Variants in SPRED2 observed in about 807,000 individuals in gnomAD.
SPRED2 encodes the protein sprouty-related, EVH1 domain-containing protein 2.
In SPRED2, 47 loss-of-function variants were observed where a neutral mutation model predicts 43.0. That is an observed-to-expected ratio of 1.09 (90% confidence interval 0.87 to 1.40). SPRED2 has a LOEUF of 1.40. Among genes scored for constraint, SPRED2 ranks in the 40% most tolerant of loss-of-function variants. SPRED2 has a pLI of 0.00. For missense variants in SPRED2, 561 were observed against 586.4 expected (o/e 0.96, Z 0.45); for synonymous variants, 225 against 225.7 (o/e 1.00, Z 0.03).
At chr2:65,309,627 C>A (rs1306424134), downstream of SPRED2, among the ~76,000 whole-genome samples, 5 of 151,938 alleles carry the variant, frequency 3.3e-5, no homozygotes, top group African/African-American at 4.8e-5. Context: ...GTCCTGGAAC[C>A]AATCCCCCAT....
chr2:65,374,824 C>T (rs749907324), intron 1 of SPRED2, among the ~76,000 whole-genome samples: 4 of 152,230 alleles, frequency 2.6e-5, no homozygotes, highest in Non-Finnish European at 4.4e-5. Flanking sequence ...CTGCCCATGG[C>T]TTACCTGCAT....
At chr2:65,356,563 G>A (rs1332407613) in intron 1 of SPRED2, among the ~76,000 whole-genome samples, 2 of 59,166 alleles carry the variant, frequency 3.4e-5, no homozygotes, top group Non-Finnish European at 6.8e-5. Context: ...TTTTTTGTGT[G>A]TGTGTACCTG....
At chr2:65,429,752 T>G (rs1204393277) in intron 1 of SPRED2, among the ~76,000 whole-genome samples, 1 of 152,146 alleles carries the variant, frequency 6.6e-6, no homozygotes, top group African/African-American at 2.4e-5. Flanking sequence ...TAAGCCCATT[T>G]CTTCAGTGGC....
At chr2:65,316,478 T>G (rs1673236261) in intron 5 of SPRED2, among the ~76,000 whole-genome samples, 1 of 152,228 alleles carries the variant, frequency 6.6e-6, no homozygotes, top group Non-Finnish European at 1.5e-5. Context: ...GGCTGAAGAC[T>G]TGCCTTGTGG....
intron 1 of SPRED2, 128 bp from the exon 2 acceptor site, chr2:65,345,024 G>T: frequency 1.1e-6 from 1 of 871,266 alleles, no homozygotes; most frequent in Non-Finnish European, 1.7e-6. Context: ...TATGCTTGGC[G>T]GCAACCTTAA....
chr2:65,358,053 T>G (rs1407056444), intron 1 of SPRED2, among the ~76,000 whole-genome samples: 1 of 152,126 alleles, frequency 6.6e-6, no homozygotes, highest in African/African-American at 2.4e-5. Context: ...TAAAATACCC[T>G]ACAAAAGCAG....
At chr2:65,369,161 T>G (rs1249436805) in intron 1 of SPRED2, among the ~76,000 whole-genome samples, 1 of 152,122 alleles carries the variant, frequency 6.6e-6, no homozygotes, top group East Asian at 1.9e-4. Context: ...TATTGGACCA[T>G]AAAGAAATTT....
chr2:65,379,358 T>C (rs1675317899), intron 1 of SPRED2, among the ~76,000 whole-genome samples: 1 of 152,106 alleles, frequency 6.6e-6, no homozygotes, highest in South Asian at 2.1e-4. Flanking sequence ...TGCTGAGTAC[T>C]GGGGCCCTAA....
intron 2 of SPRED2, among the ~76,000 whole-genome samples, chr2:65,340,038 A>C (rs971830435): frequency 6.6e-6 from 1 of 152,218 alleles, no homozygotes; most frequent in Non-Finnish European, 1.5e-5. Context: ...ATCTTCAAAA[A>C]CATAAAGCCA....
intron 1 of SPRED2, among the ~76,000 whole-genome samples, chr2:65,383,429 C>A (rs1675423143): frequency 6.6e-6 from 1 of 152,116 alleles, no homozygotes; most frequent in Non-Finnish European, 1.5e-5. Context: ...AGCTAATATC[C>A]CCTGTGGTAT....
chr2:65,316,859 A>G lies in SPRED2; in HGVS notation c.463T>C (p.Ser155Pro). 1 of 1,613,872 alleles carries G rather than the reference A, an allele frequency of 6.2e-7. No homozygotes were observed. Among genetic ancestry groups the G allele is most frequent in the Non-Finnish European group, 8.5e-7 (1 of 1,179,970 alleles). The change falls in exon 5 of 6, where the codon TCC becomes CCC. Residue 155 changes from serine to proline, a missense_variant. Coordinates refer to ENST00000356388, the MANE Select transcript of SPRED2 (RefSeq NM_181784.3). Reference protein sequence around the residue: ...FTTATDSSSNSSQKREQPTRT... With the variant: ...FTTATDSSSNPSQKREQPTRT... Reference sequence around the variant, plus strand: ...GTAGGTTGCTCTCTCTTCTGAGAGGAATTAGAAGAACTGTCTGTAGCTGTC... The same window carrying G: ...GTAGGTTGCTCTCTCTTCTGAGAGGGATTAGAAGAACTGTCTGTAGCTGTC...
At chr2:65,419,585 G>A (rs1427939846) in intron 1 of SPRED2, among the ~76,000 whole-genome samples, 3 of 20,650 alleles carry the variant, frequency 1.5e-4, no homozygotes, top group Non-Finnish European at 3.3e-4. Context: ...AGTTGTGTGT[G>A]TGTGTGTGTG....
At chr2:65,361,133 G>A (rs1674803918) in intron 1 of SPRED2, among the ~76,000 whole-genome samples, 1 of 152,140 alleles carries the variant, frequency 6.6e-6, no homozygotes, top group Admixed American at 6.5e-5. Context: ...AGTAACATAT[G>A]TCCCCATTAT....
At chr2:65,332,142 T>C in intron 3 of SPRED2, 91 bp from the exon 4 acceptor site, 1 of 763,914 alleles carries the variant, frequency 1.3e-6, no homozygotes, top group South Asian at 2.2e-5. Context: ...AAAACCACAT[T>C]CCATTCTTTT....
At chr2:65,422,356 CAGTT>C (rs1676450460) in intron 1 of SPRED2, among the ~76,000 whole-genome samples, 1 of 152,134 alleles carries the variant, frequency 6.6e-6, no homozygotes, top group Non-Finnish European at 1.5e-5. Flanking sequence ...AGTTAGTAAT[CAGTT>C]AGTCAGTCAT....
chr2:65,389,149 T>G (rs1675573346), intron 1 of SPRED2, among the ~76,000 whole-genome samples: 1 of 152,042 alleles, frequency 6.6e-6, no homozygotes. Flanking sequence ...GGAATCCATC[T>G]GGCCAGGCCC....
At chr2:65,316,295 T>C (rs1381560305) in intron 5 of SPRED2, among the ~76,000 whole-genome samples, 1 of 152,234 alleles carries the variant, frequency 6.6e-6, no homozygotes, top group Non-Finnish European at 1.5e-5. Context: ...TGTGCAGCAT[T>C]CCTTAGTCCT....
intron 1 of SPRED2, among the ~76,000 whole-genome samples, chr2:65,360,100 C>CAAAAAA (rs57801875): frequency 9.7e-6 from 1 of 103,222 alleles, no homozygotes; most frequent in African/African-American, 3.4e-5. Flanking sequence ...AAAAAAAAAA[C>CAAAAAA]AAAAAAAAAA....
In SPRED2 at chr2:65,341,056, G is replaced by A. The variant is rs866407317; in HGVS notation, c.204+3663C>T. ...AGGAGAGAGAAAGGGGCGGGGTGGT[G>A]GGGGGGAGGGCAGTGAGAGAGAGAG... is the stretch of plus-strand genomic sequence containing the variant. On this transcript the variant is annotated intron_variant, in intron 2 of 5. Coordinates refer to ENST00000356388, the MANE Select transcript of SPRED2 (RefSeq NM_181784.3). Among the ~76,000 whole-genome samples, 10 of 147,454 alleles carry A rather than the reference G, an allele frequency of 6.8e-5. 1 individual carries two copies. The South Asian group carries it at 1.8e-3, about 26-fold the overall frequency.
Sources: allele counts gnomAD v4.1 joint callset (sites outside exome capture counted in the v4.1 genomes callset), GRCh38; gene constraint gnomAD v4.1.1; transcripts MANE v1.5; gene names NCBI Gene and HGNC (gene_info 2026-07-23, HGNC 2026-07-21).